Variants in ZNF804B observed in about 807,000 individuals in gnomAD.
ZNF804B encodes the protein zinc finger protein 804B, also known as zinc finger 804B.
ZNF804B carries 80 observed loss-of-function variants against 101.4 expected under a neutral mutation model. That is an observed-to-expected ratio of 0.79 (90% confidence interval 0.66 to 0.95). ZNF804B has a LOEUF of 0.95. Ranked by LOEUF, ZNF804B falls within the 40% of genes least tolerant of loss-of-function variation. ZNF804B has a pLI of 0.00. For missense variants in ZNF804B, 1,673 were observed against 1,561.9 expected (o/e 1.07, Z -1.20); for synonymous variants, 622 against 558.8 (o/e 1.11, Z -1.59).
At chr7:89,056,976 G>A (rs1311592342) in intron 1 of ZNF804B, among the ~76,000 whole-genome samples, 1 of 152,086 alleles carries the variant, frequency 6.6e-6, no homozygotes, top group African/African-American at 2.4e-5. Context: ...ATCGTTGATT[G>A]GTCAAAGAGT....
intron 1 of ZNF804B, among the ~76,000 whole-genome samples, chr7:89,175,578 T>G (rs956759215): frequency 7.9e-5 from 12 of 152,174 alleles, no homozygotes; most frequent in African/African-American, 2.4e-4. Flanking sequence ...CATATACATT[T>G]TAGGATGACT....
In ZNF804B at chr7:89,276,572, A is replaced by G. The variant is rs376497676; in HGVS notation, c.250-50772A>G. ...ATGAGATAAATTGAAAATATATTTTAAAATGCTATTTTATGCATGTTTCAA... is the reference window on the plus strand; with the variant it reads ...ATGAGATAAATTGAAAATATATTTTGAAATGCTATTTTATGCATGTTTCAA... On this transcript the variant is annotated intron_variant, in intron 2 of 3. Coordinates refer to ENST00000333190, the MANE Select transcript of ZNF804B (RefSeq NM_181646.5). Among the ~76,000 whole-genome samples the G allele has an allele frequency of 4.6e-5, 7 of 152,074 alleles. No individual in the cohort carries two copies. In the South Asian group the frequency reaches 1.4e-3, roughly 31 times the overall value.
At chr7:88,822,830 C>T (rs1449664566) in intron 1 of ZNF804B, among the ~76,000 whole-genome samples, 1 of 152,136 alleles carries the variant, frequency 6.6e-6, no homozygotes, top group Non-Finnish European at 1.5e-5. Context: ...ACAGAGTCCT[C>T]TAATGAAGCA....
chr7:88,897,599 A>G (rs1002302048), intron 1 of ZNF804B, among the ~76,000 whole-genome samples: 20 of 152,170 alleles, frequency 1.3e-4, no homozygotes, highest in African/African-American at 4.8e-4. Flanking sequence ...CCAGAACTCT[A>G]TAGATTGGAA....
Position 89,337,806 on chromosome 7 carries a change from A to G in ZNF804B, c.*774A>G, listed in dbSNP as rs188969773. On this transcript the variant is annotated 3_prime_UTR_variant, in exon 4 of 4. Coordinates refer to ENST00000333190, the MANE Select transcript of ZNF804B (RefSeq NM_181646.5). ...AACTCAAAAATAAAACGTGCTCAGA[A>G]TAACCTTTTAAATATATTGGTCAAT... 6.6e-6 allele frequency among the ~76,000 whole-genome samples: 1 copy of G among 152,224 alleles called. No homozygotes were observed.
rs533986705 is a variant in ZNF804B, at chr7:89,209,928, C to A, written c.109-8227C>A. ...CTTTGGGAGGCTGAGGCAGGTGGAT[C>A]ACCTGAGGTCAGGAGTTCTAGAACA... On this transcript the variant is annotated intron_variant, in intron 1 of 3. Coordinates refer to ENST00000333190, the MANE Select transcript of ZNF804B (RefSeq NM_181646.5). Among the ~76,000 whole-genome samples, 217 of 152,258 alleles carry A rather than the reference C, an allele frequency of 1.4e-3. 2 individuals carry two copies. The highest frequency in any genetic ancestry group is 3.4e-3 in the Middle Eastern group (1 of 294).
At chr7:89,149,596 A>T (rs1263727006) in intron 1 of ZNF804B, among the ~76,000 whole-genome samples, 1 of 152,090 alleles carries the variant, frequency 6.6e-6, no homozygotes, top group Non-Finnish European at 1.5e-5. Context: ...TCAAATCTTA[A>T]TGTTAGAATA....
intron 1 of ZNF804B, among the ~76,000 whole-genome samples, chr7:89,041,632 G>C (rs570935181): frequency 2.6e-5 from 4 of 152,270 alleles, no homozygotes; most frequent in Admixed American, 2.6e-4. Context: ...ACTGGGATTT[G>C]GTGGGATGGG....
chr7:89,102,976 C>T (rs1024744857), intron 1 of ZNF804B, among the ~76,000 whole-genome samples: 2 of 142,786 alleles, frequency 1.4e-5, no homozygotes, highest in East Asian at 2.3e-4. Flanking sequence ...TTGACATTAT[C>T]AAAGATCAGT....
In ZNF804B at chr7:89,334,821, C is replaced by T. The variant is rs1263178223; in HGVS notation, c.1839C>T (p.Cys613=). 3 of 1,613,816 alleles carry T rather than the reference C, an allele frequency of 1.9e-6. No homozygotes were observed. Among genetic ancestry groups the T allele is most frequent in the South Asian group, 2.2e-5 (2 of 91,074 alleles). The change falls in exon 4 of 4, where the codon TGC becomes TGT. Residue 613 remains cysteine, a synonymous_variant. Coordinates refer to ENST00000333190, the MANE Select transcript of ZNF804B (RefSeq NM_181646.5). Reference sequence around the variant, plus strand: ...CTTCAAGGGCCCATTGGCAAGGCTGCAGAAAGGCAGTTCTAAATGATATAG... The same window carrying T: ...CTTCAAGGGCCCATTGGCAAGGCTGTAGAAAGGCAGTTCTAAATGATATAG... ...KEASRAHWQG[C]RKAVLNDIDE...
intron 1 of ZNF804B, among the ~76,000 whole-genome samples, chr7:88,773,166 G>A (rs28593572): frequency 6.6e-6 from 1 of 152,166 alleles, no homozygotes; most frequent in African/African-American, 2.4e-5. Context: ...TATGAAAAAT[G>A]TTAAAGTGAC....
At chr7:88,770,534 G>A (rs1185728883) in intron 1 of ZNF804B, among the ~76,000 whole-genome samples, 2 of 152,180 alleles carry the variant, frequency 1.3e-5, no homozygotes, top group African/African-American at 4.8e-5. Flanking sequence ...AGGACTATAA[G>A]ATAATAAATT....
chr7:89,287,452 T>G (rs1790222476), intron 2 of ZNF804B, among the ~76,000 whole-genome samples: 2 of 152,198 alleles, frequency 1.3e-5, no homozygotes, highest in African/African-American at 4.8e-5. Context: ...TTTCTGAAGG[T>G]TGTGGTGCCA....
intron 1 of ZNF804B, among the ~76,000 whole-genome samples, chr7:88,803,044 C>A (rs1790614096): frequency 6.6e-6 from 1 of 151,710 alleles, no homozygotes; most frequent in South Asian, 2.1e-4. Flanking sequence ...TTTAAAAAGT[C>A]ACAGAAACAA....
At chr7:89,249,216 C>T (rs1330946165) in intron 2 of ZNF804B, among the ~76,000 whole-genome samples, 1 of 152,068 alleles carries the variant, frequency 6.6e-6, no homozygotes, top group East Asian at 1.9e-4. Context: ...TTGAACACTC[C>T]GCTGACAGCA....
chr7:89,114,948 T>A (rs779526258), intron 1 of ZNF804B, among the ~76,000 whole-genome samples: 2 of 152,234 alleles, frequency 1.3e-5, no homozygotes, highest in Admixed American at 6.5e-5. Flanking sequence ...TTTACACGTT[T>A]ATAGAGACCA....
chr7:88,953,863 A>T (rs900174996), intron 1 of ZNF804B, among the ~76,000 whole-genome samples: 16 of 151,734 alleles, frequency 1.1e-4, no homozygotes, highest in Non-Finnish European at 1.5e-4. Context: ...GCATTCTATT[A>T]TATGGATATA....
At position 89,203,628 on chromosome 7, in the gene ZNF804B, T is replaced by C. The variant is rs1440163143; in HGVS notation, c.109-14527T>C. Among the ~76,000 whole-genome samples the C allele has an allele frequency of 2.0e-5, 3 of 152,208 alleles. No homozygotes were observed. In the East Asian group the frequency reaches 5.8e-4, roughly 29 times the overall value. On this transcript the variant is annotated intron_variant, in intron 1 of 3. Transcript: ENST00000333190. ...AATTACCCACTAGAATTTCAACAGA[T>C]AGAAGCCTGGAGCCGCCAGTTTGAA...
chr7:89,043,193 G>A (rs1177606633), intron 1 of ZNF804B, among the ~76,000 whole-genome samples: 1 of 152,146 alleles, frequency 6.6e-6, no homozygotes, highest in Admixed American at 6.5e-5. Flanking sequence ...ATTAATGCCG[G>A]TGTCCTTTGA....
Sources: allele counts gnomAD v4.1 joint callset (sites outside exome capture counted in the v4.1 genomes callset), GRCh38; gene constraint gnomAD v4.1.1; transcripts MANE v1.5; gene names NCBI Gene and HGNC (gene_info 2026-07-23, HGNC 2026-07-21).